ATP7A: variants seen among roughly 807,000 people sequenced by gnomAD.
The protein encoded by ATP7A is ATPase copper transporting alpha, also known as copper-transporting ATPase 1.
A neutral mutation model predicts 83.5 loss-of-function variants in ATP7A; 7 were observed. That is an observed-to-expected ratio of 0.08 (90% CI 0.05 to 0.16). The LOEUF is 0.16. Ranked by LOEUF, ATP7A falls within the 10% of genes least tolerant of loss-of-function variation. The pLI, the probability that ATP7A is intolerant of heterozygous loss-of-function variation, is 1.00. For synonymous variants in ATP7A, 354 were observed against 395.2 expected, an observed-to-expected ratio of 0.90 and a Z score of 1.24; for missense variants, 940 against 1,120.8, an observed-to-expected ratio of 0.84 and a Z score of 2.30.
At position 78,050,230 on chromosome X, in the gene ATP7A, T is replaced by A. The variant is rs1490560631; in HGVS notation, c.*3660T>A. 3 of 112,270 alleles carry A rather than the reference T, an allele frequency of 2.7e-5. No homozygotes were observed. Among genetic ancestry groups the A allele is most frequent in the Non-Finnish European group, 5.6e-5 (3 of 53,204 alleles). The allele number at this position is 112,270 out of a possible 1,213,427, so 9.3% of individuals were successfully genotyped here. On this transcript the variant is annotated 3_prime_UTR_variant, in exon 23 of 23. Coordinates refer to ENST00000341514, the MANE Select transcript of ATP7A (RefSeq NM_000052.7). ...GTTAAAGAAATGTTTAGCTAAACGT[T>A]GTTGAACATTGATTGTTTGGTACCG...
intron 1 of ATP7A, among the ~76,000 whole-genome samples, chrX:77,921,994 T>A (rs2077218557): frequency 9.0e-6 from 1 of 110,953 alleles, no homozygotes; most frequent in African/African-American, 3.3e-5. Flanking sequence ...GGGGTCTCGC[T>A]ATGTTGCTCA....
At position 78,011,593 on chromosome X, in the gene ATP7A, T is replaced by C; in HGVS notation, c.2091T>C (p.Ser697=). 8.3e-7 allele frequency: 1 copy of C among 1,211,583 alleles called. No homozygotes were observed. Among genetic ancestry groups the C allele is most frequent in the Non-Finnish European group, 1.1e-6 (1 of 895,458 alleles). The change falls in exon 9 of 23, where the codon TCT becomes TCC. Residue 697 remains serine (S), a synonymous_variant. Transcript: ENST00000341514. ...AAGAAGAAATGATCAACCTTCATTC[T>C]TCTATGTTCCTGGAGCGCCAGATTC... is the stretch of plus-strand genomic sequence containing the variant. ...MSKEEMINLH[S]SMFLERQILP... is the part of the protein sequence containing the mutation.
chrX:78,011,280 A>G (rs1557234431), intron 8 of ATP7A, 28 bp downstream of exon 8: 2 of 1,168,373 alleles, frequency 1.7e-6, no homozygotes, highest in East Asian at 5.9e-5. Context: ...TCAGTAAAAA[A>G]CAGATTTTGA....
intron 11 of ATP7A, among the ~76,000 whole-genome samples, chrX:78,015,521 TTTTAA>T (rs1557235037): frequency 8.9e-6 from 1 of 112,249 alleles, no homozygotes; most frequent in Non-Finnish European, 1.9e-5. Flanking sequence ...AAACTTTCAT[TTTTAA>T]TTTAATGACT....
intron 2 of ATP7A, among the ~76,000 whole-genome samples, chrX:77,972,476 C>T (rs782351667): frequency 3.6e-5 from 4 of 111,438 alleles, no homozygotes; most frequent in Admixed American, 9.5e-5. Flanking sequence ...CTCAGCCTTC[C>T]GAGTAGCTGG....
chrX:77,983,753 T>C (rs1196165723), intron 2 of ATP7A, among the ~76,000 whole-genome samples: 1 of 110,173 alleles, frequency 9.1e-6, no homozygotes, highest in Non-Finnish European at 1.9e-5. Context: ...CAGGCTGGAG[T>C]GCAGTGGCAC....
At chrX:78,041,344 C>T (rs369633789) in intron 19 of ATP7A, among the ~76,000 whole-genome samples, 5 of 109,605 alleles carry the variant, frequency 4.6e-5, no homozygotes, top group Non-Finnish European at 7.6e-5. Flanking sequence ...GGCGCGATCT[C>T]GGCTCATCGC....
At chrX:78,037,993 T>G (rs906337639) in intron 17 of ATP7A, among the ~76,000 whole-genome samples, 5 of 92,763 alleles carry the variant, frequency 5.4e-5, no homozygotes, top group African/African-American at 2.1e-4. Flanking sequence ...TTTTTTTTTT[T>G]TTTTTTTTTT....
intron 5 of ATP7A, among the ~76,000 whole-genome samples, chrX:77,999,038 C>T (rs1168236942): frequency 9.3e-6 from 1 of 107,733 alleles, no homozygotes; most frequent in Non-Finnish European, 1.9e-5. Flanking sequence ...GCTCTGTCGC[C>T]CAGGCTGGAG....
intron 1 of ATP7A, among the ~76,000 whole-genome samples, chrX:77,937,144 C>T (rs2077324313): frequency 8.9e-6 from 1 of 112,465 alleles, no homozygotes; most frequent in Non-Finnish European, 1.9e-5. Flanking sequence ...ATGTACCACT[C>T]TGGTATGTGA....
intron 1 of ATP7A, among the ~76,000 whole-genome samples, chrX:77,911,788 A>G (rs1270567427): frequency 9.0e-6 from 1 of 111,111 alleles, no homozygotes; most frequent in Non-Finnish European, 1.9e-5. Flanking sequence ...TACTAAAAAT[A>G]CAAAAATTAG....
intron 1 of ATP7A, among the ~76,000 whole-genome samples, chrX:77,961,068 G>A (rs2077471622): frequency 9.0e-6 from 1 of 111,371 alleles, no homozygotes; most frequent in Non-Finnish European, 1.9e-5. Context: ...GGTTTCATGT[G>A]TAAAGTCCAA....
At chrX:77,930,003 C>T (rs1027718802) in intron 1 of ATP7A, among the ~76,000 whole-genome samples, 1 of 111,817 alleles carries the variant, frequency 8.9e-6, no homozygotes, top group Non-Finnish European at 1.9e-5. Context: ...AACAGGAGAG[C>T]TAAATCAGCA....
Position 77,989,339 on chromosome X carries a change from A to G in ATP7A, c.717A>G (p.Lys239=). ...CTATGGGCTTTCCAGCATTTGTCAA[A>G]AAGCAGCCCAAGTACCTCAAATTGG... ...IEAMGFPAFV[K]KQPKYLKLGA... is the part of the protein sequence containing the mutation. The change falls in exon 4 of 23, where the codon AAA becomes AAG. Residue 239 remains lysine, a synonymous_variant. Transcript: ENST00000341514. The G allele has an allele frequency of 2.5e-6, 3 of 1,211,670 alleles. No homozygotes were observed. Among genetic ancestry groups the G allele is most frequent in the Non-Finnish European group, 3.4e-6 (3 of 895,447 alleles).
chrX:78,030,099 C>G (rs1308428130), intron 15 of ATP7A, among the ~76,000 whole-genome samples: 1 of 112,240 alleles, frequency 8.9e-6, no homozygotes, highest in Non-Finnish European at 1.9e-5. Flanking sequence ...TTTTTATAGA[C>G]ATTTTAAACT....
At chrX:77,974,148 GTT>G (rs1327635291) in intron 2 of ATP7A, among the ~76,000 whole-genome samples, 3 of 99,901 alleles carry the variant, frequency 3.0e-5, no homozygotes, top group Admixed American at 1.1e-4. Flanking sequence ...AAGGTATATA[GTT>G]TTTTTTTTTT....
At chrX:77,989,189 G>A in intron 3 of ATP7A, 44 bp from the exon 4 acceptor site, 1 of 1,157,719 alleles carries the variant, frequency 8.6e-7, no homozygotes, top group Non-Finnish European at 1.2e-6. Context: ...TTCTGAAGTA[G>A]CCCAGGAATA....
rs1390088054 is a variant in ATP7A, at chrX:77,963,002, A to G, written c.-21-8619A>G. ...ATAGGATAATATCTAGCAGTTCTCT[A>G]TATCTTCAGAATGAAGTTTTTCTTG... On this transcript the variant is annotated intron_variant, in intron 1 of 22. Transcript: ENST00000341514. The G allele has an allele frequency of 2.7e-5, 6 of 219,729 alleles. No individual in the cohort carries two copies. The East Asian group carries it at 5.1e-4, about 19-fold the overall frequency. 18.1% of individuals were successfully genotyped at this position (219,729 alleles called of 1,213,427 possible).
At chrX:77,981,579 G>C (rs2077605687) in intron 2 of ATP7A, among the ~76,000 whole-genome samples, 1 of 112,009 alleles carries the variant, frequency 8.9e-6, no homozygotes, top group Non-Finnish European at 1.9e-5. Flanking sequence ...GGAGGCCAAG[G>C]TGGGAGGATT....
Sources: gnomAD v4.1 joint callset for allele counts (sites outside exome capture counted in the v4.1 genomes callset) on GRCh38, gnomAD v4.1.1 for gene constraint, MANE v1.5 for transcripts, NCBI Gene and HGNC (gene_info 2026-07-23, HGNC 2026-07-21) for gene names.